The following NOMO3 variants were observed in gnomAD, a reference collection of about 807,000 sequenced individuals.
NOMO3 encodes the protein NODAL modulator 3.
In NOMO3, 15 loss-of-function variants were observed where a neutral mutation model predicts 69.9. The ratio of observed to expected loss-of-function variants is 0.21; its 90% CI spans 0.14 to 0.33. The LOEUF (loss-of-function observed/expected upper bound fraction) is 0.33, where lower values mean the gene tolerates loss of function less well. Ranked by LOEUF, NOMO3 falls within the 10% of genes least tolerant of loss-of-function variation. The pLI, the probability that NOMO3 is intolerant of heterozygous loss-of-function variation, is 1.00. For missense variants in NOMO3, 218 were observed against 761.0 expected, an observed-to-expected ratio of 0.29 and a Z score of 8.39; for synonymous variants, 89 against 301.9, an observed-to-expected ratio of 0.29 and a Z score of 7.31.
chr16:16,261,118 G>T, intron 11 of NOMO3: 1 of 241,038 alleles, frequency 4.1e-6, no homozygotes, highest in Non-Finnish European at 7.6e-6. Flanking sequence ...TGCTTTTAAG[G>T]GCTAGCCCAC....
intron 15 of NOMO3, 97 bp downstream of exon 15, chr16:16,265,276 G>A (rs1243817973): frequency 6.3e-7 from 1 of 1,583,566 alleles, no homozygotes; most frequent in African/African-American, 1.6e-5. Context: ...ACGTAGGCAA[G>A]TCAGATTTCC....
Position 16,269,440 on chromosome 16 carries a change from T to G in NOMO3, c.1895-681T>G, listed in dbSNP as rs1367344554. On this transcript the variant is annotated intron_variant, in intron 16 of 30. Coordinates refer to ENST00000399336, the MANE Select transcript of NOMO3 (RefSeq NM_001004067.4). ...AACAGAGAAACCTGATTTTTTTTTTTTTTTTTTTTTGATGGTAACTACTCT... is the reference window on the plus strand; with the variant it reads ...AACAGAGAAACCTGATTTTTTTTTTGTTTTTTTTTTGATGGTAACTACTCT... Among the ~76,000 whole-genome samples, 28 of 142,478 alleles carry G rather than the reference T, an allele frequency of 2.0e-4. 7 individuals carry two copies. The highest frequency in any genetic ancestry group is 8.1e-4 in the African/African-American group (28 of 34,470). 93.5% of individuals were successfully genotyped at this position (142,478 alleles called of 152,430 possible). A position where few individuals can be genotyped will look rare whatever the true frequency, so the allele number is the denominator to read the frequency against.
At chr16:16,237,041 A>C (rs1567558914) in intron 2 of NOMO3, 51 bp downstream of exon 2, 1 of 1,587,500 alleles carries the variant, frequency 6.3e-7, no homozygotes, top group Non-Finnish European at 8.5e-7. Context: ...AGTGTGCCTC[A>C]CCAGGCTGCA....
chr16:16,270,290 A>G, intron 17 of NOMO3, 106 bp downstream of exon 17: 1 of 1,573,486 alleles, frequency 6.4e-7, no homozygotes. Context: ...TTTCTGAAAG[A>G]GGCAAGGTTA....
chr16:16,258,738 G>A lies in NOMO3; in HGVS notation c.1220+2580G>A, dbSNP rs1350016084. 4.2e-5 allele frequency among the ~76,000 whole-genome samples: 6 copies of A among 143,060 alleles called. 1 individual carries two copies. The highest frequency in any genetic ancestry group is 7.4e-5 in the Non-Finnish European group (5 of 67,676). The allele number at this position is 143,060 out of a possible 152,430, so 93.9% of individuals were successfully genotyped here. ...AGGTTGGCGGGGCATGGTGATGCGC[G>A]CCTATAATCCCAGCAACTCAGGAGG... On this transcript the variant is annotated intron_variant, in intron 11 of 30. Transcript: ENST00000399336.
chr16:16,238,240 T>C lies in NOMO3; in HGVS notation c.255+1250T>C, dbSNP rs554933609. On this transcript the variant is annotated intron_variant, in intron 2 of 30. Transcript: ENST00000399336. Reference sequence around the variant, plus strand: ...GCATAGATAGATCTACTGACTTTTTTTTTTTTTTTTGAGACAGAGTCTCAC... The same window carrying C: ...GCATAGATAGATCTACTGACTTTTTCTTTTTTTTTTGAGACAGAGTCTCAC... Among the ~76,000 whole-genome samples the C allele has an allele frequency of 7.9e-5, 11 of 139,220 alleles. No homozygotes were observed. In the East Asian group the frequency reaches 2.7e-3, roughly 34 times the overall value. The allele number at this position is 139,220 out of a possible 152,430, so 91.3% of individuals were successfully genotyped here. A position where few individuals can be genotyped will look rare whatever the true frequency, so the allele number is the denominator to read the frequency against.
chr16:16,237,769 C>CA (rs1485780180), intron 2 of NOMO3, among the ~76,000 whole-genome samples: 1 of 144,012 alleles, frequency 6.9e-6, no homozygotes, highest in Non-Finnish European at 1.5e-5. Context: ...AGGCTGGTCT[C>CA]GAACTCCTGA....
Position 16,263,212 on chromosome 16 carries a change from T to A in NOMO3, c.1534T>A (p.Leu512Met), listed in dbSNP as rs780721518. ...LASVSGKVSC[L>M]DTCGDLLVTL... The stretch of plus-strand genomic sequence containing the variant: ...ATCAGTTTCTGGGAAAGTCTCTTGT[T>A]TGGGTAAGATATCACTGGAAAGTAA... The change falls in exon 13 of 31, where the codon TTG becomes ATG. Residue 512 changes from leucine to methionine, a missense_variant. Transcript: ENST00000399336. The A allele has an allele frequency of 1.3e-6, 2 of 1,593,812 alleles. No individual in the cohort carries two copies. The highest frequency in any genetic ancestry group is 1.7e-6 in the Non-Finnish European group (2 of 1,177,110).
chr16:16,262,935 G>A lies in NOMO3; in HGVS notation c.1396-139G>A, dbSNP rs912612971. On this transcript the variant is annotated intron_variant, in intron 12 of 30. Transcript: ENST00000399336. The stretch of plus-strand genomic sequence containing the variant: ...AGTTATTCGTGGATTTGTTGTGATT[G>A]TAAAATCAGCCTGGAAACGAACCTT... The A allele has an allele frequency of 6.2e-6, 9 of 1,449,240 alleles. 2 individuals are homozygous for A. The African/African-American group carries it at 1.6e-4, about 25-fold the overall frequency. The allele number at this position is 1,449,240 out of a possible 1,614,324, so 89.8% of individuals were successfully genotyped here. A position where few individuals can be genotyped will look rare whatever the true frequency, so the allele number is the denominator to read the frequency against.
intron 13 of NOMO3, 59 bp downstream of exon 13, chr16:16,263,274 G>A (rs2049580356): frequency 6.3e-7 from 1 of 1,595,024 alleles, no homozygotes; most frequent in Non-Finnish European, 8.5e-7. Flanking sequence ...CGGTAGGAGT[G>A]GGATTTGGGA....
Position 16,256,136 on chromosome 16 carries a change from C to G in NOMO3, c.1198C>G (p.Leu400Val). 1 of 1,587,950 alleles carries G rather than the reference C, an allele frequency of 6.3e-7. No individual in the cohort carries two copies. Among genetic ancestry groups the G allele is most frequent in the Non-Finnish European group, 8.5e-7 (1 of 1,174,828 alleles). Residue 400 changes from leucine (L) to valine (V), a missense_variant, in exon 11 of 31, where the codon CTG becomes GTG. Transcript: ENST00000399336. ...CAAAATTGCACCAAACACACCTCAGCTGGCTGACATTGTTGCAACAGGGTA... is the reference window on the plus strand; with the variant it reads ...CAAAATTGCACCAAACACACCTCAGGTGGCTGACATTGTTGCAACAGGGTA... ...TIKIAPNTPQ[L>V]ADIVATGFSV...
rs373638502 is a variant in NOMO3, at chr16:16,263,111, C to T, written c.1433C>T (p.Thr478Met). The change falls in exon 13 of 31, where the codon ACG becomes ATG. Residue 478 changes from threonine to methionine, a missense_variant. Thr to Met is a moderately conservative substitution (Grantham distance 81, BLOSUM62 -1). Coordinates refer to ENST00000399336, the MANE Select transcript of NOMO3 (RefSeq NM_001004067.4). ...GAGGCAGAAACCAGAGCAGGGCTGA[C>T]GTTGAAACCCCAGACATTTCCTCTT... ...VPEAETRAGL[T>M]LKPQTFPLTV... is the part of the protein sequence containing the mutation. 137 of 1,593,602 alleles carry T rather than the reference C, an allele frequency of 8.6e-5. 1 individual carries two copies. Among genetic ancestry groups the T allele is most frequent in the Non-Finnish European group, 1.0e-4 (121 of 1,177,386 alleles).
Position 16,232,627 on chromosome 16 carries a change from C to G in NOMO3, c.-40C>G, listed in dbSNP as rs1266898588. ...CGGCGTGCAGTGTGAGGGGCGGGACCCGGCTGCCGGCGGTGGGTCTAGCTG... is the reference window on the plus strand; with the variant it reads ...CGGCGTGCAGTGTGAGGGGCGGGACGCGGCTGCCGGCGGTGGGTCTAGCTG... On this transcript the variant is annotated 5_prime_UTR_variant, in exon 1 of 31. Transcript: ENST00000399336. 1 of 435,624 alleles carries G rather than the reference C, an allele frequency of 2.3e-6. No homozygotes were observed. Among genetic ancestry groups the G allele is most frequent in the Non-Finnish European group, 3.8e-6 (1 of 261,584 alleles). The allele number at this position is 435,624 out of a possible 1,614,324, so 27.0% of individuals were successfully genotyped here. A position where few individuals can be genotyped will look rare whatever the true frequency, so the allele number is the denominator to read the frequency against.
chr16:16,264,808 A>G (rs1346446898), intron 14 of NOMO3, among the ~76,000 whole-genome samples: 1 of 136,268 alleles, frequency 7.3e-6, no homozygotes, highest in African/African-American at 3.1e-5. Flanking sequence ...TCGGCCTCCC[A>G]GAGTGCTGGG....
intron 16 of NOMO3, among the ~76,000 whole-genome samples, chr16:16,269,599 TTGAC>T (rs2141263175): frequency 7.3e-6 from 1 of 137,826 alleles, no homozygotes; most frequent in African/African-American, 3.2e-5. Context: ...CTTCCTGAAA[TTGAC>T]TGTGTTCCTC....
Position 16,263,565 on chromosome 16 carries a change from G to A in NOMO3, c.1590G>A (p.Glu530=), listed in dbSNP as rs2049583091. The part of the protein sequence containing the change: ...VTLQSLSRQG[E]KRSLQLSGKV... Reference sequence around the variant, plus strand: ...TACAGTCCCTGAGCCGCCAGGGTGAGAAGCGGAGCCTCCAGCTCTCCGGCA... The same window carrying A: ...TACAGTCCCTGAGCCGCCAGGGTGAAAAGCGGAGCCTCCAGCTCTCCGGCA... Residue 530 remains glutamate, a synonymous_variant, in exon 14 of 31, where the codon GAG becomes GAA. Coordinates refer to ENST00000399336, the MANE Select transcript of NOMO3 (RefSeq NM_001004067.4). The A allele has an allele frequency of 1.0e-6, 1 of 987,012 alleles. No homozygotes were observed. The highest frequency in any genetic ancestry group is 1.7e-5 in the South Asian group (1 of 59,932). 61.1% of individuals were successfully genotyped at this position (987,012 alleles called of 1,614,324 possible).
intron 16 of NOMO3, among the ~76,000 whole-genome samples, chr16:16,269,353 T>C (rs1466051491): frequency 7.0e-6 from 1 of 142,714 alleles, no homozygotes; most frequent in Non-Finnish European, 1.5e-5. Flanking sequence ...GTACCTAGCA[T>C]AATACCTGGC....
rs1480223938 is a variant in NOMO3 at position 16,234,350 on chromosome 16, CATACTA to C, written c.165+1523_165+1528del. On this transcript the variant is annotated intron_variant, in intron 1 of 30. Transcript: ENST00000399336. Reference sequence around the variant, plus strand: ...AGGCACCCCCCTCCACCCTCACCCTCATACTAATAGTGACCTTGAGAGCAGAGAACA... The same window carrying C: ...AGGCACCCCCCTCCACCCTCACCCTCATAGTGACCTTGAGAGCAGAGAACA... Among the ~76,000 whole-genome samples the C allele has an allele frequency of 2.8e-5, 4 of 144,642 alleles. No homozygotes were observed. The East Asian group carries it at 6.2e-4, about 22-fold the overall frequency. The allele number at this position is 144,642 out of a possible 152,430, so 94.9% of individuals were successfully genotyped here.
At chr16:16,263,034 C>T (rs921543919) in intron 12 of NOMO3, 40 bp from the exon 13 acceptor site, 1 of 1,590,182 alleles carries the variant, frequency 6.3e-7, no homozygotes, top group Admixed American at 1.7e-5. Context: ...GGAAGATCTC[C>T]CCGAATGCAG....
Sources: gnomAD v4.1 joint callset for allele counts (sites outside exome capture counted in the v4.1 genomes callset) on GRCh38, gnomAD v4.1.1 for gene constraint, MANE v1.5 for transcripts, NCBI Gene and HGNC (gene_info 2026-07-23, HGNC 2026-07-21) for gene names.